TNIK: variants seen among roughly 807,000 people sequenced by gnomAD.
TNIK encodes the protein TRAF2 and NCK interacting kinase.
In TNIK, 49 loss-of-function variants were observed where a neutral mutation model predicts 191.3. That is an observed-to-expected ratio of 0.26 (90% confidence interval 0.20 to 0.32). The LOEUF (loss-of-function observed/expected upper bound fraction) is 0.32, where lower values mean the gene tolerates loss of function less well. Ranked by LOEUF, TNIK falls within the 10% of genes least tolerant of loss-of-function variation. The pLI is 1.00. For missense variants in TNIK, 1,155 were observed against 1,702.3 expected, an observed-to-expected ratio of 0.68 and a Z score of 5.66; for synonymous variants, 594 against 600.9, an observed-to-expected ratio of 0.99 and a Z score of 0.17.
intron 1 of TNIK, among the ~76,000 whole-genome samples, chr3:171,428,248 G>A (rs1339994947): frequency 6.6e-6 from 1 of 152,162 alleles, no homozygotes; most frequent in Non-Finnish European, 1.5e-5. Context: ...GCATAGATGT[G>A]AGAAGTAGTT....
At chr3:171,205,823 A>G (rs928584438) in intron 4 of TNIK, among the ~76,000 whole-genome samples, 2 of 152,148 alleles carry the variant, frequency 1.3e-5, no homozygotes, top group Non-Finnish European at 2.9e-5. Flanking sequence ...CAGGTTGCAG[A>G]CTGTTAACTT....
rs1268875191 is a variant in TNIK at position 171,142,063 on chromosome 3, C to T, written c.1222-1554G>A. Among the ~76,000 whole-genome samples, 5 of 152,210 alleles carry T rather than the reference C, an allele frequency of 3.3e-5. No individual in the cohort carries two copies. In the South Asian group the frequency reaches 6.2e-4, roughly 19 times the overall value. Reference sequence around the variant, plus strand: ...CGATGGAGCTCCTGCAGCAATCCTCCGGACCTGCTGTCTTCCAATAACCTC... The same window carrying T: ...CGATGGAGCTCCTGCAGCAATCCTCTGGACCTGCTGTCTTCCAATAACCTC... On this transcript the variant is annotated intron_variant, in intron 12 of 32. Transcript: ENST00000436636.
intron 11 of TNIK, among the ~76,000 whole-genome samples, chr3:171,158,417 T>C (rs534411968): frequency 1.3e-5 from 2 of 152,314 alleles, no homozygotes; most frequent in Non-Finnish European, 2.9e-5. Context: ...CGAGAGGACA[T>C]AAATAAGTTC....
chr3:171,441,075 A>G (rs1275214533), intron 1 of TNIK, among the ~76,000 whole-genome samples: 2 of 152,228 alleles, frequency 1.3e-5, no homozygotes, highest in Non-Finnish European at 2.9e-5. Context: ...GAACCCATCT[A>G]TCTCTCCAGG....
chr3:171,356,056 C>T (rs941333606), intron 2 of TNIK, among the ~76,000 whole-genome samples: 1 of 152,120 alleles, frequency 6.6e-6, no homozygotes, highest in African/African-American at 2.4e-5. Context: ...TTTGCGTGGT[C>T]TCCAGAGCAG....
intron 28 of TNIK, among the ~76,000 whole-genome samples, chr3:171,078,146 T>C (rs1181115722): frequency 1.3e-5 from 2 of 152,216 alleles, no homozygotes; most frequent in Non-Finnish European, 2.9e-5. Flanking sequence ...CATGTTGATA[T>C]GTCTTTTTGT....
intron 2 of TNIK, among the ~76,000 whole-genome samples, chr3:171,341,922 A>G (rs1040505793): frequency 1.3e-5 from 2 of 152,212 alleles, no homozygotes; most frequent in East Asian, 1.9e-4. Flanking sequence ...AGCAAGCCCT[A>G]TACCCCATCC....
At chr3:171,101,378 A>G (rs1158093755) in intron 22 of TNIK, 71 bp downstream of exon 22, 3 of 1,495,576 alleles carry the variant, frequency 2.0e-6, no homozygotes, top group Non-Finnish European at 2.7e-6. Flanking sequence ...CATTTAACTC[A>G]TATTTTTTTG....
At chr3:171,277,796 A>G (rs1749941300) in intron 2 of TNIK, among the ~76,000 whole-genome samples, 1 of 152,246 alleles carries the variant, frequency 6.6e-6, no homozygotes, top group Admixed American at 6.5e-5. Flanking sequence ...GGCCCTTTAT[A>G]GAAAAGGTTT....
intron 2 of TNIK, among the ~76,000 whole-genome samples, chr3:171,264,044 A>ATG (rs1189196954): frequency 1.4e-5 from 2 of 148,012 alleles, no homozygotes; most frequent in Non-Finnish European, 3.0e-5. Flanking sequence ...GTGTATATAT[A>ATG]TGTGTGTGTG....
intron 4 of TNIK, among the ~76,000 whole-genome samples, chr3:171,202,968 T>C (rs1050636448): frequency 6.6e-6 from 1 of 152,216 alleles, no homozygotes. Flanking sequence ...TGTTTACTTA[T>C]AAAAGTAACA....
intron 1 of TNIK, among the ~76,000 whole-genome samples, chr3:171,455,254 GTCT>G (rs1171707566): frequency 6.6e-6 from 1 of 151,922 alleles, no homozygotes; most frequent in African/African-American, 2.4e-5. Flanking sequence ...TCTTTTCTTA[GTCT>G]TCTTTTTTTT....
intron 2 of TNIK, among the ~76,000 whole-genome samples, chr3:171,356,198 T>A (rs1053905346): frequency 6.6e-6 from 1 of 152,032 alleles, no homozygotes; most frequent in Non-Finnish European, 1.5e-5. Flanking sequence ...AAAAAAATCA[T>A]AATGCACCTG....
intron 18 of TNIK, among the ~76,000 whole-genome samples, chr3:171,112,129 A>AT (rs1725940724): frequency 6.6e-6 from 1 of 152,264 alleles, no homozygotes; most frequent in South Asian, 2.1e-4. Context: ...TTTAGTAATC[A>AT]TTTCACAGTG....
chr3:171,223,066 C>T (rs937205753), intron 3 of TNIK, among the ~76,000 whole-genome samples: 8 of 152,286 alleles, frequency 5.3e-5, no homozygotes, highest in African/African-American at 1.7e-4. Flanking sequence ...GTATTAAATT[C>T]CTTCATGACC....
intron 12 of TNIK, among the ~76,000 whole-genome samples, chr3:171,153,848 C>A (rs1002395038): frequency 6.6e-6 from 1 of 152,160 alleles, no homozygotes; most frequent in Non-Finnish European, 1.5e-5. Context: ...CACCCTGTGG[C>A]ACGCTCTTTT....
At chr3:171,244,453 C>T (rs570861905) in intron 2 of TNIK, among the ~76,000 whole-genome samples, 3 of 152,254 alleles carry the variant, frequency 2.0e-5, no homozygotes, top group Non-Finnish European at 4.4e-5. Context: ...GATTCTAATA[C>T]TTCTCAAACA....
chr3:171,196,678 AT>A (rs869161774), intron 4 of TNIK, among the ~76,000 whole-genome samples: 1 of 152,172 alleles, frequency 6.6e-6, no homozygotes, highest in Non-Finnish European at 1.5e-5. Context: ...TTAGATATTA[AT>A]TTTTTTAAAA....
chr3:171,216,659 T>C (rs1036520772), intron 3 of TNIK, among the ~76,000 whole-genome samples: 8 of 152,184 alleles, frequency 5.3e-5, no homozygotes, highest in Non-Finnish European at 8.8e-5. Context: ...AATCACAGTT[T>C]ATTATATGTT....
Sources: allele counts gnomAD v4.1 joint callset (sites outside exome capture counted in the v4.1 genomes callset), GRCh38; gene constraint gnomAD v4.1.1; transcripts MANE v1.5; gene names NCBI Gene and HGNC (gene_info 2026-07-23, HGNC 2026-07-21).